GALNT13: variants seen among roughly 807,000 people sequenced by gnomAD.
GALNT13 encodes UDP-GalNAc:polypeptide N-acetylgalactosaminyltransferase 13.
GALNT13 carries 28 observed loss-of-function variants against 64.2 expected under a neutral mutation model. The observed-to-expected ratio is 0.44, with a 90% CI of 0.32 to 0.60. GALNT13 has a LOEUF of 0.60. Among genes scored for constraint, GALNT13 ranks in the 20% least tolerant of loss-of-function variants. The pLI is 0.05. For missense variants in GALNT13, 577 were observed against 669.8 expected (o/e 0.86, Z 1.53); for synonymous variants, 214 against 224.6 (o/e 0.95, Z 0.42).
intron 3 of GALNT13, among the ~76,000 whole-genome samples, chr2:154,135,076 A>G (rs1017484578): frequency 2.6e-5 from 4 of 152,178 alleles, no homozygotes; most frequent in Non-Finnish European, 5.9e-5. Context: ...TTTTAAATAC[A>G]TATGTATGTT....
At chr2:153,366,115 A>G in the GALNT13 span, among the ~76,000 whole-genome samples, 1 of 152,174 alleles carries the variant, frequency 6.6e-6, no homozygotes, top group African/African-American at 2.4e-5. Flanking sequence ...GCTGGAAGCC[A>G]TCATCCTCAG....
At chr2:153,473,933 A>G in the GALNT13 span, among the ~76,000 whole-genome samples, 2 of 152,174 alleles carry the variant, frequency 1.3e-5, no homozygotes, top group African/African-American at 2.4e-5. Flanking sequence ...CCCCAGTACA[A>G]TGGGCTTTAC....
Position 153,972,347 on chromosome 2 carries a change from A to G in GALNT13, c.142+27708A>G, listed in dbSNP as rs369737011. ...AATCGCAAAGTGATTCAGTCCGGATATTGATGTGACACTAAGAACTCTTTA... is the reference window on the plus strand; with the variant it reads ...AATCGCAAAGTGATTCAGTCCGGATGTTGATGTGACACTAAGAACTCTTTA... On this transcript the variant is annotated intron_variant, in intron 3 of 12. Transcript: ENST00000392825. Among the ~76,000 whole-genome samples the G allele has an allele frequency of 6.6e-5, 10 of 152,242 alleles. No homozygotes were observed. In the East Asian group the frequency reaches 1.2e-3, roughly 18 times the overall value.
chr2:154,091,752 A>T (rs1701820208), intron 3 of GALNT13, among the ~76,000 whole-genome samples: 1 of 151,984 alleles, frequency 6.6e-6, no homozygotes, highest in Admixed American at 6.6e-5. Context: ...CTGTTAGAAG[A>T]TAAAAGTAAT....
At chr2:154,102,684 A>G (rs1702409710) in intron 3 of GALNT13, among the ~76,000 whole-genome samples, 1 of 152,108 alleles carries the variant, frequency 6.6e-6, no homozygotes, top group African/African-American at 2.4e-5. Context: ...AAAATTAAAA[A>G]AGACTAAATA....
In GALNT13 at chr2:154,251,186, T is replaced by C. The variant is rs548714432; in HGVS notation, c.857+5204T>C. On this transcript the variant is annotated intron_variant, in intron 7 of 12. Coordinates refer to ENST00000392825, the MANE Select transcript of GALNT13 (RefSeq NM_052917.4). ...TTAAATATTACATTTATATACTGAA[T>C]AATTTTGTCACATGAACCAAAATAT... is the stretch of plus-strand genomic sequence containing the variant. Among the ~76,000 whole-genome samples, 4 of 152,214 alleles carry C rather than the reference T, an allele frequency of 2.6e-5. No homozygotes were observed. In the East Asian group the frequency reaches 7.7e-4, roughly 29 times the overall value.
intron 1 of GALNT13, among the ~76,000 whole-genome samples, chr2:153,891,272 G>A (rs1394335069): frequency 6.6e-6 from 1 of 152,022 alleles, no homozygotes; most frequent in East Asian, 1.9e-4. Flanking sequence ...GGCCAAAAAG[G>A]ATTTAGGTCA....
the GALNT13 span, among the ~76,000 whole-genome samples, chr2:153,191,724 C>T: frequency 6.7e-6 from 1 of 148,742 alleles, no homozygotes; most frequent in African/African-American, 2.5e-5. Flanking sequence ...TTTTTTGAAA[C>T]CGATTCAATG....
At chr2:154,005,873 G>T (rs373779858) in intron 3 of GALNT13, among the ~76,000 whole-genome samples, 29 of 152,302 alleles carry the variant, frequency 1.9e-4, no homozygotes, top group African/African-American at 6.5e-4. Context: ...ACATTGAGCA[G>T]TTGGGTGCTT....
chr2:154,428,315 T>C (rs973745880), intron 11 of GALNT13, among the ~76,000 whole-genome samples: 1 of 152,184 alleles, frequency 6.6e-6, no homozygotes, highest in African/African-American at 2.4e-5. Context: ...TCAGTTTCAC[T>C]TAGCGAAGCA....
chr2:153,529,908 A>C, the GALNT13 span, among the ~76,000 whole-genome samples: 12 of 152,158 alleles, frequency 7.9e-5, no homozygotes, highest in East Asian at 1.9e-3. Flanking sequence ...CATAATAAAA[A>C]CCATGTGAAA....
the GALNT13 span, among the ~76,000 whole-genome samples, chr2:153,086,044 C>T: frequency 6.6e-6 from 1 of 152,202 alleles, no homozygotes; most frequent in Non-Finnish European, 1.5e-5. Flanking sequence ...TATTTAATGA[C>T]TCCCCTATTG....
At chr2:153,976,637 A>G (rs1359228625) in intron 3 of GALNT13, among the ~76,000 whole-genome samples, 1 of 152,166 alleles carries the variant, frequency 6.6e-6, no homozygotes, top group Non-Finnish European at 1.5e-5. Flanking sequence ...GGTTGAGGTA[A>G]TAGCTCATTT....
the GALNT13 span, among the ~76,000 whole-genome samples, chr2:153,554,205 T>C: frequency 6.7e-6 from 1 of 149,690 alleles, no homozygotes; most frequent in South Asian, 2.1e-4. Context: ...TGGGTGCCTG[T>C]AGTCCCAGCT....
intron 3 of GALNT13, among the ~76,000 whole-genome samples, chr2:153,973,809 A>G (rs1322259701): frequency 6.6e-6 from 1 of 152,008 alleles, no homozygotes; most frequent in African/African-American, 2.4e-5. Context: ...GGTTATTCAC[A>G]TGCGCACCTA....
At chr2:153,625,407 A>G in the GALNT13 span, among the ~76,000 whole-genome samples, 1 of 152,196 alleles carries the variant, frequency 6.6e-6, no homozygotes, top group Non-Finnish European at 1.5e-5. Context: ...AGAAGTAACA[A>G]AAGCCTGTAA....
the GALNT13 span, among the ~76,000 whole-genome samples, chr2:153,262,842 T>C: frequency 6.6e-6 from 1 of 151,830 alleles, no homozygotes; most frequent in South Asian, 2.1e-4. Flanking sequence ...AGAACAAATA[T>C]CATACAGAAT....
At chr2:154,116,270 C>T (rs992404554) in intron 3 of GALNT13, among the ~76,000 whole-genome samples, 2 of 152,168 alleles carry the variant, frequency 1.3e-5, no homozygotes, top group Non-Finnish European at 2.9e-5. Flanking sequence ...CATCCTCATT[C>T]CAAGTTTTAG....
At chr2:153,438,531 A>T in the GALNT13 span, among the ~76,000 whole-genome samples, 4 of 152,020 alleles carry the variant, frequency 2.6e-5, no homozygotes, top group Middle Eastern at 3.4e-3. Context: ...ATTTCTTTTT[A>T]TTCTTTTTTC....
Sources: allele counts gnomAD v4.1 joint callset (sites outside exome capture counted in the v4.1 genomes callset), GRCh38; gene constraint gnomAD v4.1.1; transcripts MANE v1.5; gene names NCBI Gene and HGNC (gene_info 2026-07-23, HGNC 2026-07-21).